Variants in DCC observed in about 807,000 individuals in gnomAD.
DCC encodes netrin receptor DCC.
In DCC, 58 loss-of-function variants were observed where a neutral mutation model predicts 172.5. The ratio of observed to expected loss-of-function variants is 0.34; its 90% CI spans 0.27 to 0.42. The LOEUF (loss-of-function observed/expected upper bound fraction) is 0.42. Among genes scored for constraint, DCC ranks in the 10% least tolerant of loss-of-function variants. The pLI is 1.00. For missense variants in DCC, 1,740 were observed against 1,791.0 expected (o/e 0.97, Z 0.51); for synonymous variants, 709 against 644.5 (o/e 1.10, Z -1.52).
At chr18:52,444,340 T>C (rs1988058539) in intron 1 of DCC, among the ~76,000 whole-genome samples, 2 of 152,200 alleles carry the variant, frequency 1.3e-5, no homozygotes. Context: ...TTATTAGAAA[T>C]AGCCCACTCA....
intron 2 of DCC, among the ~76,000 whole-genome samples, chr18:52,873,347 T>C (rs1021822815): frequency 1.3e-5 from 2 of 152,170 alleles, no homozygotes; most frequent in Non-Finnish European, 2.9e-5. Context: ...TCAGGCATTA[T>C]CCCAGCCTTG....
chr18:53,423,579 CAA>C (rs374646252), intron 21 of DCC, among the ~76,000 whole-genome samples: 28 of 152,274 alleles, frequency 1.8e-4, no homozygotes, highest in African/African-American at 6.7e-4. Context: ...CTCAACTAAG[CAA>C]AGTCTTCTTT....
intron 12 of DCC, among the ~76,000 whole-genome samples, chr18:53,266,812 C>T (rs1178601974): frequency 6.6e-6 from 1 of 151,398 alleles, no homozygotes; most frequent in Non-Finnish European, 1.5e-5. Context: ...CTTTCATTTA[C>T]TGAAATGTTT....
At chr18:53,498,183 A>G (rs2046048777) in intron 26 of DCC, among the ~76,000 whole-genome samples, 1 of 152,134 alleles carries the variant, frequency 6.6e-6, no homozygotes, top group African/African-American at 2.4e-5. Context: ...TTAAATCTCT[A>G]TTCCCTTCAG....
At chr18:53,493,880 G>C (rs958439875) in intron 26 of DCC, among the ~76,000 whole-genome samples, 3 of 151,984 alleles carry the variant, frequency 2.0e-5, no homozygotes, top group Admixed American at 2.0e-4. Context: ...TTTTGAATTT[G>C]TTTGCTCTTG....
chr18:53,434,042 A>G (rs1418964014), intron 21 of DCC, among the ~76,000 whole-genome samples: 4 of 152,224 alleles, frequency 2.6e-5, no homozygotes, highest in Non-Finnish European at 5.9e-5. Context: ...AAATAAAATG[A>G]TAAAATCTTG....
chr18:53,264,362 G>A (rs76862750), intron 12 of DCC, among the ~76,000 whole-genome samples: 6,218 of 151,308 alleles, frequency 0.041, 390 homozygotes, highest in African/African-American at 0.14. Flanking sequence ...TGGCGGCTGC[G>A]TGTAATTCCA....
intron 7 of DCC, among the ~76,000 whole-genome samples, chr18:53,131,984 T>TTA (rs2043663298): frequency 4.4e-5 from 5 of 112,386 alleles, no homozygotes; most frequent in African/African-American, 1.3e-4. Flanking sequence ...TTTTTTTTTT[T>TTA]AGCTATATTA....
chr18:53,275,114 A>G (rs1598972557), intron 12 of DCC, among the ~76,000 whole-genome samples: 1 of 152,250 alleles, frequency 6.6e-6, no homozygotes, highest in East Asian at 1.9e-4. Context: ...ATGCACAGAG[A>G]TTAAAAGAAT....
intron 5 of DCC, among the ~76,000 whole-genome samples, chr18:53,003,487 T>C (rs1242845427): frequency 2.0e-5 from 3 of 152,062 alleles, no homozygotes; most frequent in Non-Finnish European, 4.4e-5. Context: ...TGTGCTCTCT[T>C]TGTAATTTCT....
intron 1 of DCC, among the ~76,000 whole-genome samples, chr18:52,738,894 G>A (rs376351735): frequency 0.014 from 950 of 66,106 alleles, 9 homozygotes; most frequent in African/African-American, 0.045. Context: ...ACCACATCTG[G>A]CTATTTAAAA....
chr18:53,257,253 A>C (rs2056530030), intron 12 of DCC, among the ~76,000 whole-genome samples: 1 of 152,102 alleles, frequency 6.6e-6, no homozygotes, highest in African/African-American at 2.4e-5. Context: ...CACTATGTTG[A>C]ATAGGAGTGG....
chr18:52,464,321 C>T (rs1216599943), intron 1 of DCC, among the ~76,000 whole-genome samples: 1 of 151,962 alleles, frequency 6.6e-6, no homozygotes, highest in African/African-American at 2.4e-5. Flanking sequence ...ATCAGAACAC[C>T]CAAACATCAG....
chr18:52,783,479 C>G (rs2567638), intron 2 of DCC, among the ~76,000 whole-genome samples: 2 of 151,222 alleles, frequency 1.3e-5, no homozygotes, highest in African/African-American at 4.9e-5. Context: ...CCCTCTAATT[C>G]TTTCTGAATC....
intron 1 of DCC, among the ~76,000 whole-genome samples, chr18:52,503,270 A>G (rs1485154549): frequency 6.6e-6 from 1 of 152,174 alleles, no homozygotes; most frequent in East Asian, 1.9e-4. Flanking sequence ...TCTCGAGAGT[A>G]AAAGGGAGCT....
At chr18:53,151,019 G>A (rs902428126) in intron 7 of DCC, among the ~76,000 whole-genome samples, 1 of 152,152 alleles carries the variant, frequency 6.6e-6, no homozygotes, top group Admixed American at 6.6e-5. Flanking sequence ...AGCTGAGTAG[G>A]GGGTATGACC....
At chr18:52,343,731 G>A (rs1983756752) in intron 1 of DCC, among the ~76,000 whole-genome samples, 1 of 152,204 alleles carries the variant, frequency 6.6e-6, no homozygotes, top group Non-Finnish European at 1.5e-5. Context: ...GGGTTCCATT[G>A]CATTGAAAAA....
intron 27 of DCC, among the ~76,000 whole-genome samples, chr18:53,519,880 A>C (rs1012135606): frequency 4.6e-5 from 7 of 152,084 alleles, no homozygotes; most frequent in Non-Finnish European, 8.8e-5. Context: ...ATCCCAAAGT[A>C]ATAAGTTTTC....
chr18:52,693,687 C>G (rs2035966976), intron 1 of DCC, among the ~76,000 whole-genome samples: 2 of 151,650 alleles, frequency 1.3e-5, no homozygotes, highest in South Asian at 4.2e-4. Context: ...ATGAGATGAG[C>G]CAAGAGCATC....
Sources: gnomAD v4.1 joint callset for allele counts (sites outside exome capture counted in the v4.1 genomes callset) on GRCh38, gnomAD v4.1.1 for gene constraint, MANE v1.5 for transcripts, NCBI Gene and HGNC (gene_info 2026-07-23, HGNC 2026-07-21) for gene names.